Variants in BRI3BP observed in about 807,000 individuals in gnomAD.
BRI3BP encodes BRI3-binding protein.
Under a neutral mutation model 15.8 loss-of-function variants are expected in BRI3BP, and 7 were observed. The ratio of observed to expected loss-of-function variants is 0.44; its 90% CI spans 0.25 to 0.83. The LOEUF (loss-of-function observed/expected upper bound fraction) is 0.83. BRI3BP is among the 40% of genes least tolerant of loss of function. The probability of loss-of-function intolerance (pLI) is 0.20; values close to 1 mark genes in which losing one functional copy is unlikely to be tolerated. For synonymous variants in BRI3BP, 192 were observed against 163.5 expected, an observed-to-expected ratio of 1.17 and a Z score of -1.33; for missense variants, 320 against 339.3, an observed-to-expected ratio of 0.94 and a Z score of 0.45.
At chr12:125,012,713 G>A in intron 2 of BRI3BP, 77 bp downstream of exon 2, 1 of 1,129,782 alleles carries the variant, frequency 8.9e-7, no homozygotes, top group Non-Finnish European at 1.3e-6. Flanking sequence ...GGTACTCACA[G>A]TGAGTAATAC....
At chr12:125,009,359 G>A (rs145658733) in intron 1 of BRI3BP, among the ~76,000 whole-genome samples, 3,759 of 136,082 alleles carry the variant, frequency 0.028, 159 homozygotes, top group Admixed American at 0.13. Context: ...GCATGATCTC[G>A]GCTCATTGCA....
the BRI3BP span, among the ~76,000 whole-genome samples, chr12:125,047,858 G>A: frequency 1.3e-5 from 2 of 150,726 alleles, no homozygotes; most frequent in South Asian, 4.2e-4. Flanking sequence ...CACCACATCT[G>A]GCTAATTTTT....
At chr12:125,014,261 C>T (rs1167224837) in intron 2 of BRI3BP, among the ~76,000 whole-genome samples, 3 of 152,132 alleles carry the variant, frequency 2.0e-5, no homozygotes, top group Admixed American at 1.3e-4. Context: ...GAGGAAATTC[C>T]CCAGCTGGGC....
chr12:125,008,970 C>T (rs940433993), intron 1 of BRI3BP, among the ~76,000 whole-genome samples: 1 of 148,968 alleles, frequency 6.7e-6, no homozygotes, highest in Non-Finnish European at 1.5e-5. Context: ...GGTTCACACT[C>T]CTATGAAAAT....
chr12:125,018,374 G>A (rs1955265315), intron 2 of BRI3BP, among the ~76,000 whole-genome samples: 1 of 152,170 alleles, frequency 6.6e-6, no homozygotes, highest in Admixed American at 6.5e-5. Flanking sequence ...CATTGTGGGT[G>A]TCATTTGTTA....
At chr12:125,047,217 C>T in the BRI3BP span, among the ~76,000 whole-genome samples, 2 of 151,426 alleles carry the variant, frequency 1.3e-5, no homozygotes, top group East Asian at 3.9e-4. Flanking sequence ...GGCGCGATCT[C>T]GGCTCACTGC....
At chr12:125,011,093 TAA>T (rs35697952) in intron 1 of BRI3BP, among the ~76,000 whole-genome samples, 50 of 93,440 alleles carry the variant, frequency 5.4e-4, no homozygotes, top group Admixed American at 5.3e-4. Context: ...GACCCTGTCT[TAA>T]AAAAAAAAAA....
At position 125,027,587 on chromosome 12, in the gene BRI3BP, T is replaced by C. The variant is rs1955366937; in HGVS notation, c.*2157T>C. 6.6e-6 allele frequency: 1 copy of C among 151,924 alleles called. No homozygotes were observed. Among genetic ancestry groups the C allele is most frequent in the Non-Finnish European group, 1.5e-5 (1 of 68,042 alleles). 9.4% of individuals were successfully genotyped at this position (151,924 alleles called of 1,614,324 possible). On this transcript the variant is annotated 3_prime_UTR_variant, in exon 3 of 3. Transcript: ENST00000341446. ...TGGGAGGCTGAGGCTGGAGAATCGCTTGAACATGGGAGGCGGAGGTTGCAG... is the reference window on the plus strand; with the variant it reads ...TGGGAGGCTGAGGCTGGAGAATCGCCTGAACATGGGAGGCGGAGGTTGCAG...
chr12:125,039,654 GT>G, the BRI3BP span, among the ~76,000 whole-genome samples: 2 of 149,736 alleles, frequency 1.3e-5, no homozygotes, highest in Non-Finnish European at 3.0e-5. Flanking sequence ...TTCCAATAGG[GT>G]TTTTTTTTTA....
chr12:124,995,908 ACTT>A (rs1955036766), intron 1 of BRI3BP, among the ~76,000 whole-genome samples: 1 of 151,888 alleles, frequency 6.6e-6, no homozygotes, highest in Admixed American at 6.6e-5. Flanking sequence ...GGCTGACCTG[ACTT>A]CTTTCCTTTT....
At chr12:125,033,350 C>A (rs755848252), downstream of BRI3BP, among the ~76,000 whole-genome samples, 27 of 152,110 alleles carry the variant, frequency 1.8e-4, no homozygotes, top group Non-Finnish European at 2.8e-4. Flanking sequence ...CGAGATGGCG[C>A]CCCTGCACTC....
At position 125,015,217 on chromosome 12, in the gene BRI3BP, T is replaced by TA. The variant is rs373222405; in HGVS notation, c.316+2584dup. ...TTGGGAGTGGGGTCTGCAGATGTGATAAAGTTAAATGAGATCGTCTTGGAT... is the reference window on the plus strand; with the variant it reads ...TTGGGAGTGGGGTCTGCAGATGTGATAAAAGTTAAATGAGATCGTCTTGGAT... On this transcript the variant is annotated intron_variant, in intron 2 of 2. Coordinates refer to ENST00000341446, the MANE Select transcript of BRI3BP (RefSeq NM_080626.6). Among the ~76,000 whole-genome samples the TA allele has an allele frequency of 1.2e-4, 18 of 151,950 alleles. 1 individual carries two copies. The highest frequency in any genetic ancestry group is 4.3e-4 in the African/African-American group (18 of 41,422).
At chr12:125,034,479 A>AG (rs1223701456), downstream of BRI3BP, among the ~76,000 whole-genome samples, 1 of 152,228 alleles carries the variant, frequency 6.6e-6, no homozygotes, top group Non-Finnish European at 1.5e-5. Context: ...ACTTGCCACA[A>AG]TCAAAATAGC....
intron 1 of BRI3BP, among the ~76,000 whole-genome samples, chr12:125,003,987 AC>A (rs149844431): frequency 0.33 from 50,170 of 149,784 alleles, 8,720 homozygotes; most frequent in East Asian, 0.38. Flanking sequence ...ACACACACAC[AC>A]ACACACACAC....
At chr12:125,050,737 G>A in the BRI3BP span, among the ~76,000 whole-genome samples, 1 of 152,210 alleles carries the variant, frequency 6.6e-6, no homozygotes, top group South Asian at 2.1e-4. Flanking sequence ...GAATGTGGGT[G>A]CTCTGAATTT....
the BRI3BP span, among the ~76,000 whole-genome samples, chr12:125,042,339 C>T: frequency 6.6e-6 from 1 of 152,114 alleles, no homozygotes; most frequent in Non-Finnish European, 1.5e-5. Flanking sequence ...AGCTGCTCTT[C>T]CCAAATTACC....
rs1477386770 is a variant in BRI3BP at position 125,026,075 on chromosome 12, G to A, written c.*645G>A. The A allele has an allele frequency of 6.6e-6, 1 of 152,156 alleles. No individual in the cohort carries two copies. Among genetic ancestry groups the A allele is most frequent in the Non-Finnish European group, 1.5e-5 (1 of 68,044 alleles). 9.4% of individuals were successfully genotyped at this position (152,156 alleles called of 1,614,324 possible). A position where few individuals can be genotyped will look rare whatever the true frequency, so the allele number is the denominator to read the frequency against. On this transcript the variant is annotated 3_prime_UTR_variant, in exon 3 of 3. Coordinates refer to ENST00000341446, the MANE Select transcript of BRI3BP (RefSeq NM_080626.6). The stretch of plus-strand genomic sequence containing the variant: ...AGAGACCCCTGCCAAGCCCCCATCA[G>A]TCCTATTTTTAAATGAAGACATCGC...
chr12:125,025,409 G>T lies in BRI3BP; in HGVS notation c.735G>T (p.Leu245=). The change falls in exon 3 of 3, where the codon CTG becomes CTT. Residue 245 remains leucine (L), a synonymous_variant. Transcript: ENST00000341446. ...NIRLNRVLES[L]DRSKDK is the part of the protein sequence containing the mutation. ...GTCTCAACCGGGTGCTCGAGAGCCT[G>T]GACCGCTCCAAGGACAAGTGAAGGT... The T allele has an allele frequency of 6.2e-7, 1 of 1,602,290 alleles. No individual in the cohort carries two copies. Among genetic ancestry groups the T allele is most frequent in the Non-Finnish European group, 8.5e-7 (1 of 1,172,358 alleles).
chr12:125,032,587 G>A (rs1955414158), downstream of BRI3BP, among the ~76,000 whole-genome samples: 1 of 152,238 alleles, frequency 6.6e-6, no homozygotes, highest in Non-Finnish European at 1.5e-5. Flanking sequence ...GGGCAACATA[G>A]TGAGAACTTG....
Sources: gnomAD v4.1 joint callset for allele counts (sites outside exome capture counted in the v4.1 genomes callset) on GRCh38, gnomAD v4.1.1 for gene constraint, MANE v1.5 for transcripts, NCBI Gene and HGNC (gene_info 2026-07-23, HGNC 2026-07-21) for gene names.